Variants in FSTL4 observed in about 807,000 individuals in gnomAD.
The protein encoded by FSTL4 is follistatin-related protein 4.
FSTL4 carries 28 observed loss-of-function variants against 78.2 expected under a neutral mutation model. The observed-to-expected ratio is 0.36, with a 90% confidence interval of 0.27 to 0.49. FSTL4 has a LOEUF of 0.49. Ranked by LOEUF, FSTL4 falls within the 20% of genes least tolerant of loss-of-function variation. FSTL4 has a pLI of 0.98. For missense variants in FSTL4, 922 were observed against 1,084.9 expected, an observed-to-expected ratio of 0.85 and a Z score of 2.11; for synonymous variants, 422 against 440.5, an observed-to-expected ratio of 0.96 and a Z score of 0.53.
At chr5:133,399,529 C>T (rs1756163366) in intron 4 of FSTL4, among the ~76,000 whole-genome samples, 2 of 152,202 alleles carry the variant, frequency 1.3e-5, no homozygotes, top group African/African-American at 2.4e-5. Context: ...ATAGATGTAA[C>T]AGAGGCCAAC....
the FSTL4 span, among the ~76,000 whole-genome samples, chr5:133,683,668 C>G: frequency 6.6e-6 from 1 of 152,202 alleles, no homozygotes; most frequent in Non-Finnish European, 1.5e-5. Context: ...CTTTTTCCCC[C>G]TCTCTTCTCA....
Position 133,565,985 on chromosome 5 carries a change from C to T in FSTL4, c.160+1201G>A, listed in dbSNP as rs146713930. Among the ~76,000 whole-genome samples the T allele has an allele frequency of 2.7e-3, 415 of 152,262 alleles. 3 individuals carry two copies. Among genetic ancestry groups the T allele is most frequent in the Middle Eastern group, 0.014 (4 of 294 alleles). On this transcript the variant is annotated intron_variant, in intron 3 of 15. Coordinates refer to ENST00000265342, the MANE Select transcript of FSTL4 (RefSeq NM_015082.2). ...GTGAACACTACTTTCCATAAGAAAC[C>T]TCCTTCCCAGCTCCATCAACCTTCA... is the stretch of plus-strand genomic sequence containing the variant.
chr5:133,565,108 C>T (rs1045569720), intron 3 of FSTL4, among the ~76,000 whole-genome samples: 1 of 152,226 alleles, frequency 6.6e-6, no homozygotes, highest in Non-Finnish European at 1.5e-5. Flanking sequence ...TTTCTAGACT[C>T]TCCTGGGCCT....
chr5:133,206,758 G>A (rs556280099), intron 14 of FSTL4, among the ~76,000 whole-genome samples: 1 of 151,846 alleles, frequency 6.6e-6, no homozygotes, highest in Non-Finnish European at 1.5e-5. Context: ...CTTTATTGGG[G>A]TTGTGAAGGA....
chr5:133,605,533 C>A (rs1161705543), intron 1 of FSTL4, among the ~76,000 whole-genome samples: 1 of 152,184 alleles, frequency 6.6e-6, no homozygotes, highest in Non-Finnish European at 1.5e-5. Flanking sequence ...CAATTACACT[C>A]CTGCCACATT....
intron 14 of FSTL4, among the ~76,000 whole-genome samples, chr5:133,207,434 T>C (rs1276877757): frequency 6.6e-6 from 1 of 152,240 alleles, no homozygotes; most frequent in Non-Finnish European, 1.5e-5. Flanking sequence ...TCACTTTATG[T>C]GTGTTTCTTG....
At chr5:133,286,284 T>C (rs1413487389) in intron 6 of FSTL4, among the ~76,000 whole-genome samples, 1 of 152,180 alleles carries the variant, frequency 6.6e-6, no homozygotes, top group Non-Finnish European at 1.5e-5. Context: ...ACTGAATATG[T>C]GAAAAGTATT....
At chr5:133,779,807 G>A in the FSTL4 span, among the ~76,000 whole-genome samples, 7 of 152,176 alleles carry the variant, frequency 4.6e-5, no homozygotes, top group African/African-American at 1.7e-4. Context: ...GACAGACCAT[G>A]CCCATTCCTG....
intron 6 of FSTL4, among the ~76,000 whole-genome samples, chr5:133,277,547 A>G (rs928932288): frequency 2.0e-5 from 3 of 152,250 alleles, no homozygotes; most frequent in Admixed American, 6.5e-5. Context: ...CATAGAAAAC[A>G]TAGGGCTAAA....
At chr5:133,277,052 C>A (rs972990594) in intron 6 of FSTL4, among the ~76,000 whole-genome samples, 11 of 152,346 alleles carry the variant, frequency 7.2e-5, no homozygotes, top group Non-Finnish European at 1.6e-4. Context: ...TGGCTCACTC[C>A]TGTAATTCCA....
chr5:133,814,077 C>A, the FSTL4 span, among the ~76,000 whole-genome samples: 1,275 of 152,334 alleles, frequency 8.4e-3, 14 homozygotes, highest in African/African-American at 0.029. Flanking sequence ...CTGTCACCAA[C>A]AAGGACAGCA....
chr5:133,803,143 T>C, the FSTL4 span, among the ~76,000 whole-genome samples: 1 of 152,176 alleles, frequency 6.6e-6, no homozygotes, highest in Admixed American at 6.5e-5. Context: ...TGACCTTACC[T>C]GAAGGCAAGC....
chr5:133,667,636 C>T, the FSTL4 span, among the ~76,000 whole-genome samples: 1 of 152,234 alleles, frequency 6.6e-6, no homozygotes, highest in Non-Finnish European at 1.5e-5. Context: ...CTTCGGATAT[C>T]TGCAAGGCAC....
the FSTL4 span, among the ~76,000 whole-genome samples, chr5:133,648,664 C>A: frequency 1.3e-5 from 2 of 152,340 alleles, no homozygotes; most frequent in Admixed American, 6.5e-5. Context: ...CACTGACACT[C>A]TGCAGGGCAA....
At chr5:133,375,584 T>C (rs1258770546) in intron 4 of FSTL4, among the ~76,000 whole-genome samples, 2 of 151,914 alleles carry the variant, frequency 1.3e-5, no homozygotes, top group Non-Finnish European at 1.5e-5. Flanking sequence ...GGTGAAAGCA[T>C]GAAAGGAAAT....
chr5:133,675,111 C>T, the FSTL4 span, among the ~76,000 whole-genome samples: 18 of 151,900 alleles, frequency 1.2e-4, no homozygotes, highest in East Asian at 2.9e-3. Context: ...GGGGGGTCCA[C>T]GGGGGCTCAT....
chr5:133,741,868 T>C, the FSTL4 span, among the ~76,000 whole-genome samples: 1 of 152,200 alleles, frequency 6.6e-6, no homozygotes, highest in African/African-American at 2.4e-5. Flanking sequence ...GAGATGTTTC[T>C]ATCCTCAAGA....
intron 3 of FSTL4, among the ~76,000 whole-genome samples, chr5:133,453,346 T>C (rs1757419249): frequency 2.6e-5 from 4 of 152,322 alleles, no homozygotes; most frequent in South Asian, 2.1e-4. Flanking sequence ...GACTGCATAA[T>C]AGCTTTTCCA....
At chr5:133,444,005 C>T (rs144106159) in intron 3 of FSTL4, among the ~76,000 whole-genome samples, 2 of 152,292 alleles carry the variant, frequency 1.3e-5, no homozygotes, top group African/African-American at 2.4e-5. Flanking sequence ...CTCCTACACA[C>T]CCCCTTCTTT....
Sources: gnomAD v4.1 joint callset for allele counts (sites outside exome capture counted in the v4.1 genomes callset) on GRCh38, gnomAD v4.1.1 for gene constraint, MANE v1.5 for transcripts, NCBI Gene and HGNC (gene_info 2026-07-23, HGNC 2026-07-21) for gene names.